RANBP2: variants seen among roughly 807,000 people sequenced by gnomAD.
RANBP2 encodes the protein E3 SUMO-protein ligase RanBP2.
RANBP2 carries 57 observed loss-of-function variants against 303.6 expected under a neutral mutation model. The observed-to-expected ratio is 0.19, with a 90% CI of 0.15 to 0.23. RANBP2 has a LOEUF of 0.23. Among genes scored for constraint, RANBP2 ranks in the 10% least tolerant of loss-of-function variants. RANBP2 has a pLI of 1.00. For synonymous variants in RANBP2, 1,167 were observed against 1,301.5 expected, an observed-to-expected ratio of 0.90 and a Z score of 2.23; for missense variants, 3,138 against 3,780.8, an observed-to-expected ratio of 0.83 and a Z score of 4.46.
the RANBP2 span, among the ~76,000 whole-genome samples, chr2:109,486,778 C>T: frequency 6.6e-6 from 1 of 152,112 alleles, no homozygotes; most frequent in East Asian, 1.9e-4. Flanking sequence ...GTGGGGAGGG[C>T]CTTCCAGAAG....
the RANBP2 span, among the ~76,000 whole-genome samples, chr2:108,950,347 C>T: frequency 6.6e-6 from 1 of 151,646 alleles, no homozygotes. Flanking sequence ...AATTTTTGGG[C>T]TCGAATGATC....
chr2:109,670,066 C>T, the RANBP2 span, among the ~76,000 whole-genome samples: 3 of 152,212 alleles, frequency 2.0e-5, no homozygotes, highest in African/African-American at 4.8e-5. Flanking sequence ...AGGCTACAGC[C>T]TCCAGGGTGC....
At chr2:109,150,997 T>C in the RANBP2 span, among the ~76,000 whole-genome samples, 13 of 152,170 alleles carry the variant, frequency 8.5e-5, no homozygotes, top group Non-Finnish European at 1.8e-4. Flanking sequence ...GCTGAAACAT[T>C]GATGAAGGTC....
the RANBP2 span, among the ~76,000 whole-genome samples, chr2:109,054,888 G>A: frequency 6.6e-6 from 1 of 152,104 alleles, no homozygotes; most frequent in Non-Finnish European, 1.5e-5. Flanking sequence ...TCATGCACAT[G>A]GGACAGGCAA....
the RANBP2 span, among the ~76,000 whole-genome samples, chr2:108,995,138 TTTTA>T: frequency 6.6e-6 from 1 of 151,740 alleles, no homozygotes; most frequent in Non-Finnish European, 1.5e-5. Flanking sequence ...CCGCATTGGG[TTTTA>T]TTTATTAGTA....
At chr2:109,361,696 G>A in the RANBP2 span, among the ~76,000 whole-genome samples, 2 of 152,044 alleles carry the variant, frequency 1.3e-5, no homozygotes, top group East Asian at 1.9e-4. Flanking sequence ...GGCTGGTCTT[G>A]AACTCCTGAC....
chr2:109,368,934 G>GGCCT, the RANBP2 span, among the ~76,000 whole-genome samples: 19,646 of 151,988 alleles, frequency 0.13, 1,398 homozygotes, highest in Middle Eastern at 0.24. Context: ...TCATGCCTTG[G>GGCCT]GCCTCTGCTG....
At chr2:109,400,414 A>T in the RANBP2 span, among the ~76,000 whole-genome samples, 18 of 152,218 alleles carry the variant, frequency 1.2e-4, no homozygotes, top group Middle Eastern at 3.4e-3. Context: ...ACACATATAC[A>T]CCTGTGCACA....
chr2:109,340,356 A>C, the RANBP2 span, among the ~76,000 whole-genome samples: 1 of 152,242 alleles, frequency 6.6e-6, no homozygotes, highest in Non-Finnish European at 1.5e-5. Context: ...TGCTCAGGAC[A>C]GGAAGGGGCA....
the RANBP2 span, among the ~76,000 whole-genome samples, chr2:108,844,802 C>T: frequency 6.7e-6 from 1 of 148,920 alleles, no homozygotes; most frequent in Non-Finnish European, 1.5e-5. Flanking sequence ...GGCTGGAGAG[C>T]AGTGGCACGA....
chr2:109,264,517 A>G, the RANBP2 span, among the ~76,000 whole-genome samples: 1 of 152,276 alleles, frequency 6.6e-6, no homozygotes, highest in Non-Finnish European at 1.5e-5. Flanking sequence ...TAGATAGAAG[A>G]TGGCAAAGTG....
chr2:109,162,514 T>C, the RANBP2 span, among the ~76,000 whole-genome samples: 1 of 152,262 alleles, frequency 6.6e-6, no homozygotes, highest in Non-Finnish European at 1.5e-5. Flanking sequence ...GCTGCACCCA[T>C]TAACTTGTCA....
the RANBP2 span, among the ~76,000 whole-genome samples, chr2:109,265,733 T>G: frequency 6.6e-6 from 1 of 152,118 alleles, no homozygotes; most frequent in East Asian, 1.9e-4. Flanking sequence ...AGTTGCAGGG[T>G]TTTTATCAAT....
chr2:108,944,025 T>C, the RANBP2 span, among the ~76,000 whole-genome samples: 1 of 152,238 alleles, frequency 6.6e-6, no homozygotes, highest in African/African-American at 2.4e-5. Flanking sequence ...ATGTAGATTG[T>C]GGTTTCTCAG....
At chr2:109,233,416 A>G in the RANBP2 span, among the ~76,000 whole-genome samples, 414 of 152,312 alleles carry the variant, frequency 2.7e-3, 4 homozygotes, top group African/African-American at 9.6e-3. Context: ...ATTCCTTTCA[A>G]TGTTCAGACA....
chr2:109,065,470 G>C, the RANBP2 span, among the ~76,000 whole-genome samples: 1 of 152,166 alleles, frequency 6.6e-6, no homozygotes, highest in Non-Finnish European at 1.5e-5. Context: ...ATCCTGTGTA[G>C]AATGGAGGAA....
the RANBP2 span, among the ~76,000 whole-genome samples, chr2:109,031,698 G>C: frequency 6.6e-6 from 1 of 152,176 alleles, no homozygotes; most frequent in Non-Finnish European, 1.5e-5. Flanking sequence ...CGTGGGCCGG[G>C]CTCTGCCGGT....
chr2:109,472,368 TG>T, the RANBP2 span, among the ~76,000 whole-genome samples: 1 of 151,634 alleles, frequency 6.6e-6, no homozygotes, highest in Non-Finnish European at 1.5e-5. Flanking sequence ...GCATGCAGGG[TG>T]TCCTGGAAGC....
chr2:109,301,090 A>G, the RANBP2 span, among the ~76,000 whole-genome samples: 7 of 152,214 alleles, frequency 4.6e-5, no homozygotes, highest in Non-Finnish European at 1.5e-5. Flanking sequence ...TTCTCAATAA[A>G]TAATCATTGC....
Sources: gnomAD v4.1 joint callset for allele counts (sites outside exome capture counted in the v4.1 genomes callset) on GRCh38, gnomAD v4.1.1 for gene constraint, MANE v1.5 for transcripts, NCBI Gene and HGNC (gene_info 2026-07-23, HGNC 2026-07-21) for gene names.